Variants in ADARB2 observed in about 807,000 individuals in gnomAD.
The protein encoded by ADARB2 is adenosine deaminase RNA specific B2 (inactive), also known as inactive double-stranded RNA-specific editase B2.
Under a neutral mutation model 62.2 loss-of-function variants are expected in ADARB2, and 25 were observed. That is an observed-to-expected ratio of 0.40 (90% CI 0.29 to 0.56). The LOEUF (loss-of-function observed/expected upper bound fraction) is 0.56. Among genes scored for constraint, ADARB2 ranks in the 20% least tolerant of loss-of-function variants. ADARB2 has a pLI of 0.43. For missense variants in ADARB2, 1,071 were observed against 1,077.4 expected (o/e 0.99, Z 0.08); for synonymous variants, 572 against 500.8 (o/e 1.14, Z -1.90).
chr10:1,652,214 T>A (rs1193836320), intron 1 of ADARB2, among the ~76,000 whole-genome samples: 1 of 152,208 alleles, frequency 6.6e-6, no homozygotes, highest in Non-Finnish European at 1.5e-5. Context: ...AGCACAGCCC[T>A]GGCCAGTGAC....
At chr10:1,679,995 C>T (rs1403942173) in intron 1 of ADARB2, among the ~76,000 whole-genome samples, 3 of 152,160 alleles carry the variant, frequency 2.0e-5, no homozygotes, top group African/African-American at 7.2e-5. Flanking sequence ...GCCTTAGCCA[C>T]TTAACCTGCC....
chr10:1,695,867 CACAT>C (rs1834735602), intron 1 of ADARB2, among the ~76,000 whole-genome samples: 1 of 151,784 alleles, frequency 6.6e-6, no homozygotes, highest in South Asian at 2.1e-4. Flanking sequence ...CATGTACACA[CACAT>C]GCATGAGGAC....
At chr10:1,443,583 AC>A (rs1830928272) in intron 1 of ADARB2, among the ~76,000 whole-genome samples, 1 of 152,090 alleles carries the variant, frequency 6.6e-6, no homozygotes, top group Admixed American at 6.6e-5. Flanking sequence ...AAAATTCAAC[AC>A]CTTTCTAGTC....
At chr10:1,625,199 G>A (rs78392127) in intron 1 of ADARB2, among the ~76,000 whole-genome samples, 4,775 of 152,334 alleles carry the variant, frequency 0.031, 244 homozygotes, top group African/African-American at 0.11. Context: ...AGAAAGGAGC[G>A]TGGTGTGCGG....
intron 1 of ADARB2, among the ~76,000 whole-genome samples, chr10:1,582,835 G>T (rs1057413608): frequency 2.6e-5 from 4 of 152,170 alleles, no homozygotes; most frequent in African/African-American, 9.7e-5. Flanking sequence ...TCCTCGTAGT[G>T]CCCTTCAGCA....
chr10:1,496,946 T>C (rs866168301), intron 1 of ADARB2, among the ~76,000 whole-genome samples: 5 of 152,036 alleles, frequency 3.3e-5, no homozygotes, highest in Non-Finnish European at 5.9e-5. Flanking sequence ...TATTAAGAGG[T>C]CTTAGATACA....
At chr10:1,364,533 T>G (rs1234573270) in intron 2 of ADARB2, among the ~76,000 whole-genome samples, 1 of 152,222 alleles carries the variant, frequency 6.6e-6, no homozygotes, top group Non-Finnish European at 1.5e-5. Context: ...TGGTCCTCTG[T>G]ATTCCTGAGT....
At chr10:1,326,399 C>T (rs1283536978) in intron 3 of ADARB2, among the ~76,000 whole-genome samples, 1 of 152,190 alleles carries the variant, frequency 6.6e-6, no homozygotes, top group Non-Finnish European at 1.5e-5. Flanking sequence ...CATTCTGTGA[C>T]GTGGGCAAAC....
At chr10:1,531,902 C>T (rs1016812697) in intron 1 of ADARB2, among the ~76,000 whole-genome samples, 3 of 152,158 alleles carry the variant, frequency 2.0e-5, no homozygotes, top group African/African-American at 7.2e-5. Context: ...ACACGTGGTC[C>T]ACATCCGGTG....
intron 1 of ADARB2, among the ~76,000 whole-genome samples, chr10:1,439,404 C>A (rs1450719333): frequency 1.4e-5 from 2 of 143,612 alleles, no homozygotes; most frequent in Non-Finnish European, 3.0e-5. Flanking sequence ...GCTCCTGAGT[C>A]TCCCCCAGGA....
chr10:1,215,892 A>C (rs1837225485), intron 7 of ADARB2: 1 of 152,052 alleles, frequency 6.6e-6, no homozygotes, highest in South Asian at 2.1e-4. Context: ...TAGGGGCTTC[A>C]GATCAACGTT....
At position 1,451,490 on chromosome 10, in the gene ADARB2, A is replaced by AACACAGCTGCAGAGAAGGGG. The variant is rs1440375723; in HGVS notation, c.101-72350_101-72331dup. ...GACAGCCACCTGTGCAGGAAGAGGG[A>AACACAGCTGCAGAGAAGGGG]ACACAGCTGCAGAGAAGGGGACACA... is the stretch of plus-strand genomic sequence containing the variant. On this transcript the variant is annotated intron_variant, in intron 1 of 9. Transcript: ENST00000381312. 4.6e-5 allele frequency among the ~76,000 whole-genome samples: 7 copies of AACACAGCTGCAGAGAAGGGG among 152,168 alleles called. No homozygotes were observed. The East Asian group carries it at 1.3e-3, about 29-fold the overall frequency.
chr10:1,534,486 T>C (rs1323089597), intron 1 of ADARB2: 1 of 152,288 alleles, frequency 6.6e-6, no homozygotes, highest in East Asian at 1.9e-4. Context: ...CTTTCGGCGT[T>C]TCCGCCTTTG....
intron 1 of ADARB2, among the ~76,000 whole-genome samples, chr10:1,559,663 A>G (rs1449758045): frequency 6.6e-6 from 1 of 152,172 alleles, no homozygotes; most frequent in Non-Finnish European, 1.5e-5. Context: ...CAGGGCGAGA[A>G]TCACACCAGA....
At chr10:1,198,684 G>A (rs533767773) in intron 8 of ADARB2, among the ~76,000 whole-genome samples, 22 of 152,368 alleles carry the variant, frequency 1.4e-4, no homozygotes, top group African/African-American at 4.3e-4. Flanking sequence ...TATTATCTGT[G>A]CCACTCAATG....
At chr10:1,264,773 T>G (rs1831178573) in intron 4 of ADARB2, among the ~76,000 whole-genome samples, 1 of 152,194 alleles carries the variant, frequency 6.6e-6, no homozygotes, top group Admixed American at 6.5e-5. Flanking sequence ...CCTGGGCTGT[T>G]TTTACAAAGT....
chr10:1,313,312 C>A (rs1023569967), intron 3 of ADARB2, among the ~76,000 whole-genome samples: 1 of 152,214 alleles, frequency 6.6e-6, no homozygotes, highest in African/African-American at 2.4e-5. Context: ...TGTCCCCCAT[C>A]GCCACTCCTT....
chr10:1,485,556 G>A (rs955610227), intron 1 of ADARB2, among the ~76,000 whole-genome samples: 13 of 152,150 alleles, frequency 8.5e-5, no homozygotes, highest in Admixed American at 2.0e-4. Flanking sequence ...GTGGGTGGGG[G>A]CAGAAGAGTC....
At chr10:1,195,603 A>G (rs1285273108) in intron 8 of ADARB2, among the ~76,000 whole-genome samples, 2 of 152,042 alleles carry the variant, frequency 1.3e-5, no homozygotes, top group Non-Finnish European at 2.9e-5. Context: ...AGGGATGTCC[A>G]TGGAGAGGCT....
Sources: gnomAD v4.1 joint callset for allele counts (sites outside exome capture counted in the v4.1 genomes callset) on GRCh38, gnomAD v4.1.1 for gene constraint, MANE v1.5 for transcripts, NCBI Gene and HGNC (gene_info 2026-07-23, HGNC 2026-07-21) for gene names.